The following ARPP19 variants were observed in gnomAD, a reference collection of about 807,000 sequenced individuals.
The protein encoded by ARPP19 is cAMP-regulated phosphoprotein 19.
ARPP19 carries 8 observed loss-of-function variants against 12.0 expected under a neutral mutation model. The ratio of observed to expected loss-of-function variants is 0.67; its 90% CI spans 0.39 to 1.21. ARPP19 has a LOEUF of 1.21. ARPP19 is among the 50% of genes most tolerant of loss of function. The pLI, the probability that ARPP19 is intolerant of heterozygous loss-of-function variation, is 0.01. For synonymous variants in ARPP19, 47 were observed against 50.4 expected (o/e 0.93, Z 0.29); for missense variants, 102 against 136.3 (o/e 0.75, Z 1.25).
intron 2 of ARPP19, 156 bp downstream of exon 2, chr15:52,556,944 C>A: frequency 1.5e-6 from 1 of 679,080 alleles, no homozygotes; most frequent in South Asian, 2.8e-5. Context: ...TATTTATAAA[C>A]TGCAAAATAT....
At chr15:52,561,536 G>T (rs1220758032) in intron 1 of ARPP19, among the ~76,000 whole-genome samples, 1 of 152,004 alleles carries the variant, frequency 6.6e-6, no homozygotes, top group Non-Finnish European at 1.5e-5. Flanking sequence ...TTAGAAAAGG[G>T]TTTATAATCT....
At chr15:52,557,001 T>C in intron 2 of ARPP19, 99 bp downstream of exon 2, 1 of 1,311,392 alleles carries the variant, frequency 7.6e-7, no homozygotes, top group Non-Finnish European at 1.1e-6. Flanking sequence ...ACATACCTGA[T>C]AAAGTACAAT....
In ARPP19 at chr15:52,549,061, C is replaced by G. The variant is rs2077905260; in HGVS notation, c.*2873G>C. 3 of 152,324 alleles carry G rather than the reference C, an allele frequency of 2.0e-5. No homozygotes were observed. The South Asian group carries it at 6.2e-4, about 32-fold the overall frequency. The allele number at this position is 152,324 out of a possible 1,614,324, so 9.4% of individuals were successfully genotyped here. A position where few individuals can be genotyped will look rare whatever the true frequency, so the allele number is the denominator to read the frequency against. On this transcript the variant is annotated 3_prime_UTR_variant, in exon 3 of 3. Transcript: ENST00000249822. ...TATTCCAACTTGCTGAGAACCATGT[C>G]AGATGCTGCGTTCAAGAATGAAATG...
upstream of ARPP19, chr15:52,569,338 C>G (rs1280719518): frequency 4.7e-6 from 1 of 213,172 alleles, no homozygotes; most frequent in East Asian, 1.8e-4. Context: ...TCGCCTAGTT[C>G]TGTTCTCCTC....
Position 52,548,972 on chromosome 15 carries a change from T to C in ARPP19, c.*2962A>G, listed in dbSNP as rs1420348089. 1 of 152,756 alleles carries C rather than the reference T, an allele frequency of 6.5e-6. No individual in the cohort carries two copies. The highest frequency in any genetic ancestry group is 6.5e-5 in the Admixed American group (1 of 15,302). The allele number at this position is 152,756 out of a possible 1,614,324, so 9.5% of individuals were successfully genotyped here. A position where few individuals can be genotyped will look rare whatever the true frequency, so the allele number is the denominator to read the frequency against. ...TTTTTAGGTCATCAGCACAAGATTA[T>C]TGAATAACTTGTATGCTACAAACAT... is the stretch of plus-strand genomic sequence containing the variant. On this transcript the variant is annotated 3_prime_UTR_variant, in exon 3 of 3. Coordinates refer to ENST00000249822, the MANE Select transcript of ARPP19 (RefSeq NM_006628.6).
intron 2 of ARPP19, among the ~76,000 whole-genome samples, chr15:52,554,925 T>C (rs768897774): frequency 1.3e-5 from 2 of 152,098 alleles, no homozygotes; most frequent in African/African-American, 2.4e-5. Context: ...AGACCTATTA[T>C]AATAATCATA....
chr15:52,564,231 G>A (rs2078060835), intron 1 of ARPP19: 1 of 1,534,566 alleles, frequency 6.5e-7, no homozygotes, highest in Admixed American at 2.0e-5. Context: ...GACCAAGGGA[G>A]CATGTTGTGT....
rs1193915612 is a variant in ARPP19, at chr15:52,547,590, T to C, written c.*4344A>G. On this transcript the variant is annotated 3_prime_UTR_variant, in exon 3 of 3. Coordinates refer to ENST00000249822, the MANE Select transcript of ARPP19 (RefSeq NM_006628.6). ...CCTAGAGGCCTACCTAATTAGAAGGTTGAAACTTAGTAAAACCGTATTAAA... is the reference window on the plus strand; with the variant it reads ...CCTAGAGGCCTACCTAATTAGAAGGCTGAAACTTAGTAAAACCGTATTAAA... 5 of 152,182 alleles carry C rather than the reference T, an allele frequency of 3.3e-5. No homozygotes were observed. The highest frequency in any genetic ancestry group is 5.9e-5 in the Non-Finnish European group (4 of 68,036). The allele number at this position is 152,182 out of a possible 1,614,324, so 9.4% of individuals were successfully genotyped here.
intron 1 of ARPP19, among the ~76,000 whole-genome samples, chr15:52,560,667 AATG>A (rs1316556737): frequency 1.2e-4 from 18 of 152,236 alleles, no homozygotes; most frequent in Non-Finnish European, 1.5e-5. Context: ...CTAGGACCTT[AATG>A]ATAAGTTAGT....
intron 1 of ARPP19, among the ~76,000 whole-genome samples, chr15:52,563,987 T>C (rs903232741): frequency 2.6e-5 from 4 of 152,248 alleles, no homozygotes; most frequent in African/African-American, 7.2e-5. Context: ...CATAAAGCTA[T>C]AAAGCTAAGA....
chr15:52,562,958 C>T (rs1023306768), intron 1 of ARPP19, among the ~76,000 whole-genome samples: 3 of 150,058 alleles, frequency 2.0e-5, no homozygotes, highest in Non-Finnish European at 3.0e-5. Context: ...ACCTCCACCC[C>T]TCCCCACGCT....
chr15:52,557,044 T>C, intron 2 of ARPP19, 56 bp downstream of exon 2: 1 of 1,579,516 alleles, frequency 6.3e-7, no homozygotes, highest in East Asian at 2.2e-5. Context: ...TCACAATCTG[T>C]CAGCATACTG....
chr15:52,564,152 G>A (rs2078060158), intron 1 of ARPP19: 9 of 1,446,618 alleles, frequency 6.2e-6, no homozygotes, highest in East Asian at 4.9e-5. Context: ...CTGCTAAGAC[G>A]GCTAAGAGAA....
At chr15:52,561,955 T>TA (rs1054974559) in intron 1 of ARPP19, among the ~76,000 whole-genome samples, 9 of 147,014 alleles carry the variant, frequency 6.1e-5, no homozygotes, top group African/African-American at 2.1e-4. Context: ...TTTTTTTTTT[T>TA]TATTAAGATA....
At chr15:52,559,270 G>A (rs911092595) in intron 1 of ARPP19, among the ~76,000 whole-genome samples, 1 of 152,140 alleles carries the variant, frequency 6.6e-6, no homozygotes, top group East Asian at 1.9e-4. Flanking sequence ...TTCCATTCAA[G>A]AAGGGTATGC....
chr15:52,566,043 A>AG (rs1029670630), intron 1 of ARPP19, among the ~76,000 whole-genome samples: 2 of 152,038 alleles, frequency 1.3e-5, no homozygotes, highest in Non-Finnish European at 2.9e-5. Flanking sequence ...TTTAGTAGAG[A>AG]GGGGGTTTCC....
At chr15:52,564,320 G>A (rs1167372111) in intron 1 of ARPP19, 2 of 1,131,544 alleles carry the variant, frequency 1.8e-6, no homozygotes. Context: ...GGCTGAGGTG[G>A]GAGGCTAGGT....
chr15:52,566,713 G>C (rs1163718703), intron 1 of ARPP19, among the ~76,000 whole-genome samples: 1 of 152,174 alleles, frequency 6.6e-6, no homozygotes, highest in East Asian at 1.9e-4. Flanking sequence ...CAGAATTATA[G>C]GCAAGAGCCA....
Position 52,547,347 on chromosome 15 carries a change from G to GCAAAA in ARPP19, c.*4582_*4586dup, listed in dbSNP as rs754955706. On this transcript the variant is annotated 3_prime_UTR_variant, in exon 3 of 3. Transcript: ENST00000249822. ...CTCTATAGACATGTTTTAACAAAAA[G>GCAAAA]CAAAACAAAACAAAACAAAAAAACA... The GCAAAA allele has an allele frequency of 5.9e-5, 9 of 152,156 alleles. No individual in the cohort carries two copies. Among genetic ancestry groups the GCAAAA allele is most frequent in the Admixed American group, 2.6e-4 (4 of 15,284 alleles). The allele number at this position is 152,156 out of a possible 1,614,324, so 9.4% of individuals were successfully genotyped here. A position where few individuals can be genotyped will look rare whatever the true frequency, so the allele number is the denominator to read the frequency against.
Sources: gnomAD v4.1 joint callset for allele counts (sites outside exome capture counted in the v4.1 genomes callset) on GRCh38, gnomAD v4.1.1 for gene constraint, MANE v1.5 for transcripts, NCBI Gene and HGNC (gene_info 2026-07-23, HGNC 2026-07-21) for gene names.